The following SLC4A4 variants were observed in gnomAD, a reference collection of about 807,000 sequenced individuals.
The protein encoded by SLC4A4 is electrogenic sodium bicarbonate cotransporter 1.
Under a neutral mutation model 111.5 loss-of-function variants are expected in SLC4A4, and 27 were observed. The ratio of observed to expected loss-of-function variants is 0.24; its 90% CI spans 0.18 to 0.33. The LOEUF (loss-of-function observed/expected upper bound fraction) is 0.33. Ranked by LOEUF, SLC4A4 falls within the 10% of genes least tolerant of loss-of-function variation. The probability of loss-of-function intolerance (pLI) is 1.00; values close to 1 mark genes in which losing one functional copy is unlikely to be tolerated. For missense variants in SLC4A4, 909 were observed against 1,315.5 expected (o/e 0.69, Z 4.78); for synonymous variants, 443 against 463.4 (o/e 0.96, Z 0.57).
At chr4:71,193,448 C>T (rs565242884) in intron 1 of SLC4A4, among the ~76,000 whole-genome samples, 9 of 152,296 alleles carry the variant, frequency 5.9e-5, no homozygotes, top group South Asian at 4.1e-4. Context: ...CGTGAGCCAC[C>T]GCGCCCGGCC....
chr4:71,360,682 C>A (rs747014900), intron 6 of SLC4A4, among the ~76,000 whole-genome samples: 2 of 152,066 alleles, frequency 1.3e-5, no homozygotes, highest in African/African-American at 4.8e-5. Flanking sequence ...GCTAGCATAA[C>A]CATATGCTAG....
intron 2 of SLC4A4, among the ~76,000 whole-genome samples, chr4:71,175,208 G>A (rs1040000654): frequency 3.3e-5 from 5 of 152,248 alleles, no homozygotes; most frequent in Non-Finnish European, 5.9e-5. Flanking sequence ...TTAAAAAGTG[G>A]GGGTGGAGCC....
At chr4:71,516,080 CTTTTTTTTTTTTTTTTTT>C (rs60338885) in intron 16 of SLC4A4, among the ~76,000 whole-genome samples, 174 of 30,624 alleles carry the variant, frequency 5.7e-3, no homozygotes, top group African/African-American at 0.022. Flanking sequence ...TGGGGGATTT[CTTTTTTTTTTTTTTTTTT>C]TTTTTTTTTT....
chr4:71,508,088 T>A (rs1322766757), intron 16 of SLC4A4, among the ~76,000 whole-genome samples: 1 of 152,052 alleles, frequency 6.6e-6, no homozygotes, highest in Non-Finnish European at 1.5e-5. Context: ...GCTAAAACAG[T>A]GTTAAGAGGG....
rs1732916125 is a variant in SLC4A4, at chr4:71,521,372, G to C, written c.2167-10690G>C. On this transcript the variant is annotated intron_variant, in intron 16 of 25. Coordinates refer to ENST00000264485, the MANE Select transcript of SLC4A4 (RefSeq NM_001098484.3). ...TGTCTTCCGAGTAGCTGGAACTACA[G>C]TCACACTCCACCAGGCCTGGAAAAT... Among the ~76,000 whole-genome samples the C allele has an allele frequency of 2.6e-5, 4 of 152,196 alleles. 1 individual carries two copies. In the South Asian group the frequency reaches 8.3e-4, roughly 32 times the overall value.
chr4:71,533,070 T>C (rs1734079419), intron 17 of SLC4A4, among the ~76,000 whole-genome samples: 1 of 152,126 alleles, frequency 6.6e-6, no homozygotes, highest in Admixed American at 6.6e-5. Flanking sequence ...CCTCCACTAC[T>C]GAGATCATAT....
chr4:71,396,955 G>T (rs1229577289), intron 6 of SLC4A4, among the ~76,000 whole-genome samples: 1 of 152,208 alleles, frequency 6.6e-6, no homozygotes, highest in African/African-American at 2.4e-5. Context: ...GGAATGCAGA[G>T]AAATAAGGCA....
rs1250914383 is a variant in SLC4A4 at position 71,339,351 on chromosome 4, A to C, written c.254-19A>C. On this transcript the variant is annotated intron_variant, in intron 3 of 25. Coordinates refer to ENST00000264485, the MANE Select transcript of SLC4A4 (RefSeq NM_001098484.3). ...GGTTGTCCAGCCAATGTTTAACCAC[A>C]GTATTTTCACTTCTGCAGTCTCTCC... is the stretch of plus-strand genomic sequence containing the variant. 2 of 1,614,222 alleles carry C rather than the reference A, an allele frequency of 1.2e-6. No individual in the cohort carries two copies. Among genetic ancestry groups the C allele is most frequent in the Non-Finnish European group, 1.7e-6 (2 of 1,180,042 alleles).
At chr4:71,347,980 TATG>T (rs945571800) in intron 4 of SLC4A4, among the ~76,000 whole-genome samples, 2 of 152,174 alleles carry the variant, frequency 1.3e-5, no homozygotes, top group South Asian at 2.1e-4. Flanking sequence ...TGCTTTCATA[TATG>T]ATGATATCTT....
chr4:71,432,914 G>GTTAA (rs1305679660), intron 7 of SLC4A4, among the ~76,000 whole-genome samples: 6 of 152,152 alleles, frequency 3.9e-5, no homozygotes, highest in Non-Finnish European at 8.8e-5. Context: ...TGTATAAAAT[G>GTTAA]TTAAGTTCAC....
rs76428459 is a variant in SLC4A4, at chr4:71,388,756, G to T, written c.731-8821G>T. On this transcript the variant is annotated intron_variant, in intron 6 of 25. Coordinates refer to ENST00000264485, the MANE Select transcript of SLC4A4 (RefSeq NM_001098484.3). ...TATAGAGATGAGCCCTCACTGTGTT[G>T]CTCAGGGTGGTCTTGAACTCCTAGA... Among the ~76,000 whole-genome samples, 1,204 of 152,194 alleles carry T rather than the reference G, an allele frequency of 7.9e-3. 17 individuals are homozygous for T. The highest frequency in any genetic ancestry group is 0.026 in the African/African-American group (1,066 of 41,516).
chr4:71,445,817 T>C (rs1725173948), intron 8 of SLC4A4, among the ~76,000 whole-genome samples: 1 of 152,212 alleles, frequency 6.6e-6, no homozygotes, highest in Non-Finnish European at 1.5e-5. Context: ...TTTAGAAAAA[T>C]ACACTTTACA....
chr4:71,344,111 C>CGTGAGGG (rs1288781408), intron 4 of SLC4A4, among the ~76,000 whole-genome samples: 1 of 152,068 alleles, frequency 6.6e-6, no homozygotes, highest in Non-Finnish European at 1.5e-5. Context: ...TTGTCTCTTC[C>CGTGAGGG]CAATAGAATT....
chr4:71,170,525 C>T (rs1342099675), intron 2 of SLC4A4, among the ~76,000 whole-genome samples: 1 of 152,148 alleles, frequency 6.6e-6, no homozygotes, highest in East Asian at 1.9e-4. Flanking sequence ...TCAATATTAC[C>T]TATCAAGGGG....
intron 2 of SLC4A4, among the ~76,000 whole-genome samples, chr4:71,175,361 G>A (rs1308296901): frequency 6.6e-6 from 1 of 152,246 alleles, no homozygotes; most frequent in Admixed American, 6.5e-5. Flanking sequence ...CACCAAGCGT[G>A]AGCCGAAGCA....
intron 2 of SLC4A4, among the ~76,000 whole-genome samples, chr4:71,164,694 T>C (rs1382388933): frequency 6.6e-6 from 1 of 151,932 alleles, no homozygotes; most frequent in African/African-American, 2.4e-5. Context: ...AAAGCCAAAA[T>C]TGACAAATGG....
At chr4:71,440,192 T>C (rs1724589817) in intron 7 of SLC4A4, among the ~76,000 whole-genome samples, 1 of 152,138 alleles carries the variant, frequency 6.6e-6, no homozygotes, top group African/African-American at 2.4e-5. Context: ...CAGCACTTTA[T>C]ATTTTATTTT....
chr4:71,107,497 C>G (rs367642462), intron 2 of SLC4A4, among the ~76,000 whole-genome samples: 3 of 152,006 alleles, frequency 2.0e-5, no homozygotes, highest in Non-Finnish European at 4.4e-5. Context: ...GAGGCACATG[C>G]CACCATGCCC....
chr4:71,148,562 T>C (rs1334133986), intron 2 of SLC4A4, among the ~76,000 whole-genome samples: 1 of 152,144 alleles, frequency 6.6e-6, no homozygotes, highest in Non-Finnish European at 1.5e-5. Flanking sequence ...CTCCACTCTC[T>C]GATAAGCTCC....
Sources: allele counts gnomAD v4.1 joint callset (sites outside exome capture counted in the v4.1 genomes callset), GRCh38; gene constraint gnomAD v4.1.1; transcripts MANE v1.5; gene names NCBI Gene and HGNC (gene_info 2026-07-23, HGNC 2026-07-21).